The following RALGPS2 variants were observed in gnomAD, a reference collection of about 807,000 sequenced individuals.
RALGPS2 encodes Ral GEF with PH domain and SH3 binding motif 2, also known as ras-specific guanine nucleotide-releasing factor RalGPS2.
Under a neutral mutation model 86.8 loss-of-function variants are expected in RALGPS2, and 43 were observed. The observed-to-expected ratio is 0.50, with a 90% CI of 0.39 to 0.64. The LOEUF (loss-of-function observed/expected upper bound fraction) is 0.64. Ranked by LOEUF, RALGPS2 falls within the 30% of genes least tolerant of loss-of-function variation. The probability of loss-of-function intolerance (pLI) is 0.00; values close to 1 mark genes in which losing one functional copy is unlikely to be tolerated. For missense variants in RALGPS2, 536 were observed against 694.6 expected, an observed-to-expected ratio of 0.77 and a Z score of 2.57; for synonymous variants, 243 against 231.3, an observed-to-expected ratio of 1.05 and a Z score of -0.46.
At chr1:178,767,402 C>T (rs1652561129) in intron 1 of RALGPS2, among the ~76,000 whole-genome samples, 1 of 127,988 alleles carries the variant, frequency 7.8e-6, no homozygotes, top group African/African-American at 3.0e-5. Flanking sequence ...TTCTTGGATG[C>T]CCTTGGAGGT....
intron 8 of RALGPS2, among the ~76,000 whole-genome samples, chr1:178,840,771 G>T (rs1003062263): frequency 1.3e-5 from 2 of 151,654 alleles, no homozygotes; most frequent in Non-Finnish European, 2.9e-5. Context: ...ATATAATAAA[G>T]AAAAGGGAGG....
chr1:178,886,698 A>T (rs768860956), intron 13 of RALGPS2, among the ~76,000 whole-genome samples: 4 of 152,238 alleles, frequency 2.6e-5, no homozygotes, highest in Non-Finnish European at 4.4e-5. Flanking sequence ...ACATAAATAA[A>T]AAAACATTCT....
In RALGPS2 at chr1:178,894,018, G is replaced by C. The variant is rs1445469240; in HGVS notation, c.1425G>C (p.Lys475Asn). Residue 475 changes from lysine (K) to asparagine (N), a missense_variant, in exon 16 of 20, where the codon AAG becomes AAC. This residue lies in a region of RALGPS2 where 309 missense variants were observed against 363.0 expected (regional missense o/e 0.85). Coordinates refer to ENST00000367635, the MANE Select transcript of RALGPS2 (RefSeq NM_152663.5). ...AAACTTTGTTAAAAGAAGGCAAAAAGCCTACAGTAAGATTTCATCATATTA... is the reference window on the plus strand; with the variant it reads ...AAACTTTGTTAAAAGAAGGCAAAAACCCTACAGTAAGATTTCATCATATTA... ...RRKTLLKEGK[K>N]PTVASWTKYW... is the part of the protein sequence containing the mutation. The C allele has an allele frequency of 6.4e-7, 1 of 1,566,394 alleles. No homozygotes were observed. The highest frequency in any genetic ancestry group is 8.8e-7 in the Non-Finnish European group (1 of 1,141,136).
chr1:178,751,467 C>T (rs1651653708), intron 1 of RALGPS2, among the ~76,000 whole-genome samples: 1 of 152,146 alleles, frequency 6.6e-6, no homozygotes, highest in Non-Finnish European at 1.5e-5. Context: ...GCTTTATTTG[C>T]TCTTCTTGAG....
In RALGPS2 at chr1:178,882,291, A is replaced by G. The variant is rs1659290398; in HGVS notation, c.837-1175A>G. 2.6e-5 allele frequency among the ~76,000 whole-genome samples: 4 copies of G among 152,194 alleles called. No homozygotes were observed. The South Asian group carries it at 8.3e-4, about 31-fold the overall frequency. On this transcript the variant is annotated intron_variant, in intron 10 of 19. Coordinates refer to ENST00000367635, the MANE Select transcript of RALGPS2 (RefSeq NM_152663.5). ...ATTTACTACTTTTCTTTCATCCACT[A>G]GACTGTAAGCTTCAGAAGGACAGGA...
intron 8 of RALGPS2, among the ~76,000 whole-genome samples, chr1:178,862,047 A>G (rs1487589892): frequency 6.6e-6 from 1 of 151,926 alleles, no homozygotes; most frequent in East Asian, 1.9e-4. Context: ...ACTTTTTTGT[A>G]TTTTTAGTAG....
intron 6 of RALGPS2, among the ~76,000 whole-genome samples, chr1:178,817,583 A>G (rs1030096851): frequency 6.6e-6 from 1 of 151,624 alleles, no homozygotes; most frequent in Non-Finnish European, 1.5e-5. Context: ...CTTCTTCAAG[A>G]TTGTCTTGGC....
At chr1:178,767,358 C>CTTTTTTTTTTTTTTTTTTTT (rs1159630163) in intron 1 of RALGPS2, among the ~76,000 whole-genome samples, 15 of 70,446 alleles carry the variant, frequency 2.1e-4, no homozygotes, top group Middle Eastern at 0.013. Flanking sequence ...TGTCCTTTGG[C>CTTTTTTTTTTTTTTTTTTTT]TTTTTTTTTT....
chr1:178,765,624 A>G (rs2102073356), intron 1 of RALGPS2, among the ~76,000 whole-genome samples: 1 of 152,300 alleles, frequency 6.6e-6, no homozygotes, highest in Non-Finnish European at 1.5e-5. Flanking sequence ...AACCGGTCTG[A>G]CCAAAATTTA....
chr1:178,902,313 A>C, intron 18 of RALGPS2, 102 bp downstream of exon 18: 7 of 860,808 alleles, frequency 8.1e-6, no homozygotes, highest in Non-Finnish European at 1.3e-5. Context: ...ATAATGTTTT[A>C]TGCATACATG....
At chr1:178,890,792 GATA>G (rs1659685667) in intron 14 of RALGPS2, among the ~76,000 whole-genome samples, 1 of 151,768 alleles carries the variant, frequency 6.6e-6, no homozygotes, top group Non-Finnish European at 1.5e-5. Flanking sequence ...TGTTTTGCGG[GATA>G]ATAATAAGTA....
intron 1 of RALGPS2, among the ~76,000 whole-genome samples, chr1:178,753,368 A>G (rs1340238490): frequency 6.6e-6 from 1 of 152,330 alleles, no homozygotes; most frequent in East Asian, 1.9e-4. Flanking sequence ...GACAAGTCAA[A>G]TATTAAAATT....
At position 178,919,538 on chromosome 1, in the gene RALGPS2, T is replaced by G. The variant is rs1660916938; in HGVS notation, c.*3179T>G. 1 of 152,038 alleles carries G rather than the reference T, an allele frequency of 6.6e-6. No homozygotes were observed. Among genetic ancestry groups the G allele is most frequent in the South Asian group, 2.1e-4 (1 of 4,828 alleles). 9.4% of individuals were successfully genotyped at this position (152,038 alleles called of 1,614,324 possible). A position where few individuals can be genotyped will look rare whatever the true frequency, so the allele number is the denominator to read the frequency against. On this transcript the variant is annotated 3_prime_UTR_variant, in exon 20 of 20. Transcript: ENST00000367635. ...AAAACATGTTTACAGACTCTAGCTTTCCTTATTAGCTTAAACTGGGGCCCT... is the reference window on the plus strand; with the variant it reads ...AAAACATGTTTACAGACTCTAGCTTGCCTTATTAGCTTAAACTGGGGCCCT...
At chr1:178,846,854 T>A (rs1656888871) in intron 8 of RALGPS2, among the ~76,000 whole-genome samples, 1 of 152,222 alleles carries the variant, frequency 6.6e-6, no homozygotes, top group Non-Finnish European at 1.5e-5. Context: ...TCAGTAACAT[T>A]TATTCAACAC....
intron 1 of RALGPS2, among the ~76,000 whole-genome samples, chr1:178,736,212 C>T (rs1409055564): frequency 6.6e-6 from 1 of 151,042 alleles, no homozygotes; most frequent in Non-Finnish European, 1.5e-5. Flanking sequence ...GTCGCCCAGC[C>T]TGGAGTGCAG....
intron 18 of RALGPS2, among the ~76,000 whole-genome samples, chr1:178,904,306 GT>G (rs1288500112): frequency 6.6e-6 from 1 of 152,150 alleles, no homozygotes; most frequent in African/African-American, 2.4e-5. Context: ...TGGGTTGTCT[GT>G]TTACTCTGCT....
At chr1:178,822,451 T>A (rs1028255547) in intron 7 of RALGPS2, among the ~76,000 whole-genome samples, 1 of 152,090 alleles carries the variant, frequency 6.6e-6, no homozygotes, top group Non-Finnish European at 1.5e-5. Flanking sequence ...GTACAAAGGA[T>A]CAATGTGTTT....
Position 178,807,992 on chromosome 1 carries a change from G to T in RALGPS2, c.214-53G>T, listed in dbSNP as rs1474580499. The T allele has an allele frequency of 4.4e-6, 5 of 1,127,380 alleles. No homozygotes were observed. In the African/African-American group the frequency reaches 6.2e-5, roughly 14 times the overall value. The allele number at this position is 1,127,380 out of a possible 1,614,324, so 69.8% of individuals were successfully genotyped here. ...TTAATGTTTTGAAAGCCTTAATCTGGCAGAAAAAAACTAGGCTATTACTTA... is the reference window on the plus strand; with the variant it reads ...TTAATGTTTTGAAAGCCTTAATCTGTCAGAAAAAAACTAGGCTATTACTTA... On this transcript the variant is annotated intron_variant, in intron 4 of 19. Transcript: ENST00000367635.
At chr1:178,815,373 C>G (rs1655176820) in intron 6 of RALGPS2, among the ~76,000 whole-genome samples, 1 of 152,120 alleles carries the variant, frequency 6.6e-6, no homozygotes, top group Non-Finnish European at 1.5e-5. Flanking sequence ...GTGTGAGCCA[C>G]CGCGCCTGGC....
Sources: gnomAD v4.1 joint callset for allele counts (sites outside exome capture counted in the v4.1 genomes callset) on GRCh38, gnomAD v4.1.1 for gene constraint, gnomAD v4.1.1 regional missense constraint, MANE v1.5 for transcripts, NCBI Gene and HGNC (gene_info 2026-07-23, HGNC 2026-07-21) for gene names.